The following CD300LD variants were observed in gnomAD, a reference collection of about 807,000 sequenced individuals.
CD300LD encodes CMRF35-like molecule 5.
A neutral mutation model predicts 20.3 loss-of-function variants in CD300LD; 18 were observed. The ratio of observed to expected loss-of-function variants is 0.89; its 90% confidence interval spans 0.61 to 1.32. The LOEUF is 1.32. CD300LD is among the 40% of genes most tolerant of loss of function. CD300LD has a pLI of 0.00. For synonymous variants in CD300LD, 104 were observed against 90.1 expected, an observed-to-expected ratio of 1.15 and a Z score of -0.87; for missense variants, 195 against 226.6, an observed-to-expected ratio of 0.86 and a Z score of 0.90.
At chr17:74,582,099 T>C in intron 3 of CD300LD, 119 bp downstream of exon 3, 4 of 687,950 alleles carry the variant, frequency 5.8e-6, no homozygotes, top group Non-Finnish European at 9.9e-6. Context: ...AAATGTTTTG[T>C]TGTTTGTCTG....
At chr17:74,580,223 T>C in intron 3 of CD300LD, 110 bp from the exon 4 acceptor site, 2 of 740,378 alleles carry the variant, frequency 2.7e-6, no homozygotes, top group South Asian at 1.7e-5. Flanking sequence ...AGGGTAAGCC[T>C]GGAACCCCAG....
rs2030231072 is a variant in CD300LD, at chr17:74,588,704, G to A, written c.186C>T (p.Asn62=). 1 of 1,614,186 alleles carries A rather than the reference G, an allele frequency of 6.2e-7. No individual in the cohort carries two copies. The highest frequency in any genetic ancestry group is 8.5e-7 in the Non-Finnish European group (1 of 1,180,026). Residue 62 remains asparagine, a synonymous_variant, in exon 2 of 4, where the codon AAC becomes AAT. Transcript: ENST00000375352. ...CTGATCCATTTGTTTTAACAAGGAT[G>A]TTACAGTAATTCCAATCAGCTCCTT... is the stretch of plus-strand genomic sequence containing the variant. ...RCQGADWNYC[N]ILVKTNGSEQ...
chr17:74,581,262 TAA>T (rs376966087), intron 3 of CD300LD, among the ~76,000 whole-genome samples: 25 of 139,882 alleles, frequency 1.8e-4, no homozygotes, highest in Non-Finnish European at 3.0e-4. Context: ...ATCGAGTGAA[TAA>T]AAAAAAAAAA....
intron 1 of CD300LD, 24 bp from the exon 2 acceptor site, chr17:74,588,873 C>T (rs775049969): frequency 3.3e-5 from 51 of 1,557,966 alleles, no homozygotes; most frequent in Non-Finnish European, 4.1e-5. Context: ...ATTCATGTGT[C>T]GTCACCTCCC....
chr17:74,584,235 A>G (rs2030105373), intron 2 of CD300LD, among the ~76,000 whole-genome samples: 1 of 152,168 alleles, frequency 6.6e-6, no homozygotes, highest in Admixed American at 6.6e-5. Context: ...CATACATTTC[A>G]TGTCTGAAGA....
intron 2 of CD300LD, among the ~76,000 whole-genome samples, chr17:74,584,052 G>A (rs1471027239): frequency 2.0e-5 from 3 of 152,010 alleles, no homozygotes; most frequent in African/African-American, 7.3e-5. Context: ...ACCACGCCCA[G>A]CCTGTATTTC....
intron 2 of CD300LD, among the ~76,000 whole-genome samples, chr17:74,586,129 C>T (rs2143284899): frequency 6.6e-6 from 1 of 152,296 alleles, no homozygotes. Context: ...TTAACTCTAG[C>T]TTTTGAGAAT....
chr17:74,589,904 C>A (rs1027871122), intron 1 of CD300LD, among the ~76,000 whole-genome samples: 4 of 152,222 alleles, frequency 2.6e-5, no homozygotes, highest in African/African-American at 9.6e-5. Flanking sequence ...CGCCAAGAGA[C>A]ACCCAAGGTC....
At position 74,592,229 on chromosome 17, in the gene CD300LD, T is replaced by C. The variant is rs2030339228; in HGVS notation, c.-27A>G. On this transcript the variant is annotated 5_prime_UTR_variant, in exon 1 of 4. Transcript: ENST00000375352. ...GTCCTGTCTCCTCTCCTCTCCTTGG[T>C]GATCACAGGTGTCTGGTGCCCTTCA... 2.5e-6 allele frequency: 4 copies of C among 1,614,176 alleles called. No individual in the cohort carries two copies. Among genetic ancestry groups the C allele is most frequent in the Non-Finnish European group, 3.4e-6 (4 of 1,180,008 alleles).
At chr17:74,591,906 T>A (rs887274156) in intron 1 of CD300LD, 17 of 897,228 alleles carry the variant, frequency 1.9e-5, no homozygotes, top group African/African-American at 3.4e-5. Flanking sequence ...TCTGTTTATA[T>A]GGAACAGTCA....
intron 1 of CD300LD, among the ~76,000 whole-genome samples, chr17:74,589,236 C>T (rs2030248273): frequency 1.3e-5 from 2 of 152,184 alleles, no homozygotes; most frequent in South Asian, 4.1e-4. Context: ...TGATTGCTGC[C>T]TTGATGCTTG....
At chr17:74,581,191 C>A (rs560336619) in intron 3 of CD300LD, among the ~76,000 whole-genome samples, 1 of 151,662 alleles carries the variant, frequency 6.6e-6, no homozygotes, top group African/African-American at 2.4e-5. Flanking sequence ...AAAAAACAGT[C>A]GAGGAGTCCT....
chr17:74,580,117 T>C lies in CD300LD; in HGVS notation c.474-4A>G, dbSNP rs1277883593. On this transcript the variant is annotated splice_region_variant and splice_polypyrimidine_tract_variant and intron_variant, in intron 3 of 3. Transcript: ENST00000375352. ...GTGGGTGCTCTTGAGCGGGGACCTG[T>C]GGGAACACGGTGACAGGAAATGAGC... is the stretch of plus-strand genomic sequence containing the variant. 5.0e-6 allele frequency: 8 copies of C among 1,598,838 alleles called. No individual in the cohort carries two copies. The highest frequency in any genetic ancestry group is 6.8e-6 in the Non-Finnish European group (8 of 1,169,676).
At chr17:74,591,259 A>AAAAAT (rs1555650237) in intron 1 of CD300LD, among the ~76,000 whole-genome samples, 127 of 112,796 alleles carry the variant, frequency 1.1e-3, no homozygotes, top group African/African-American at 3.4e-3. Flanking sequence ...ACAAAAAAAA[A>AAAAAT]AAAAATAAAA....
At chr17:74,586,782 C>T (rs2030170826) in intron 2 of CD300LD, among the ~76,000 whole-genome samples, 1 of 152,144 alleles carries the variant, frequency 6.6e-6, no homozygotes, top group African/African-American at 2.4e-5. Flanking sequence ...TCTTAATTTA[C>T]AGAGCATTAC....
Position 74,582,357 on chromosome 17 carries a change from C to T in CD300LD, c.380-46G>A, listed in dbSNP as rs987653461. The T allele has an allele frequency of 1.9e-6, 3 of 1,538,858 alleles. No homozygotes were observed. In the African/African-American group the frequency reaches 4.1e-5, roughly 21 times the overall value. ...ACGGTTCACCCCTTCCATGGATGGC[C>T]CAGCTCTGGCTGTGGCCCTAAGGCT... is the stretch of plus-strand genomic sequence containing the variant. On this transcript the variant is annotated intron_variant, in intron 2 of 3. Coordinates refer to ENST00000375352, the MANE Select transcript of CD300LD (RefSeq NM_001115152.2).
At position 74,588,780 on chromosome 17, in the gene CD300LD, ACAGT is replaced by A; in HGVS notation, c.106_109del (p.Thr36CysfsTer13). The A allele has an allele frequency of 1.2e-6, 2 of 1,614,206 alleles. No individual in the cohort carries two copies. Among genetic ancestry groups the A allele is most frequent in the Non-Finnish European group, 1.7e-6 (2 of 1,180,028 alleles). On this transcript the variant is annotated frameshift_variant, in exon 2 of 4. Transcript: ENST00000375352. LOFTEE classifies it high-confidence loss of function. ...CCAGCCTGAGCCATAAGCACACTGCACAGTCAATGAGCCCTGCTCCGAGCCATTC... is the reference window on the plus strand; with the variant it reads ...CCAGCCTGAGCCATAAGCACACTGCACAATGAGCCCTGCTCCGAGCCATTC...
chr17:74,589,448 A>C (rs1302069341), intron 1 of CD300LD, among the ~76,000 whole-genome samples: 1 of 152,232 alleles, frequency 6.6e-6, no homozygotes, highest in African/African-American at 2.4e-5. Context: ...TTTTAAGATA[A>C]ACACAAGTAA....
chr17:74,578,775 G>A (rs980962391), downstream of CD300LD, among the ~76,000 whole-genome samples: 5 of 152,256 alleles, frequency 3.3e-5, no homozygotes, highest in Non-Finnish European at 5.9e-5. Context: ...TCCCAGAAGG[G>A]AATTTCTGTT....
Sources: gnomAD v4.1 joint callset for allele counts (sites outside exome capture counted in the v4.1 genomes callset) on GRCh38, gnomAD v4.1.1 for gene constraint, MANE v1.5 for transcripts, NCBI Gene and HGNC (gene_info 2026-07-23, HGNC 2026-07-21) for gene names.